Variants in TMEM117 observed in about 807,000 individuals in gnomAD.
TMEM117 encodes the protein transmembrane protein 117.
Under a neutral mutation model 52.4 loss-of-function variants are expected in TMEM117, and 27 were observed. The observed-to-expected ratio is 0.51, with a 90% CI of 0.38 to 0.71. The LOEUF (loss-of-function observed/expected upper bound fraction) is 0.71. Among genes scored for constraint, TMEM117 ranks in the 30% least tolerant of loss-of-function variants. The probability of loss-of-function intolerance (pLI) is 0.00; values close to 1 mark genes in which losing one functional copy is unlikely to be tolerated. For missense variants in TMEM117, 556 were observed against 630.5 expected (o/e 0.88, Z 1.26); for synonymous variants, 215 against 206.3 (o/e 1.04, Z -0.36).
chr12:43,989,447 T>G (rs1406794659), intron 3 of TMEM117, among the ~76,000 whole-genome samples: 1 of 152,118 alleles, frequency 6.6e-6, no homozygotes, highest in Non-Finnish European at 1.5e-5. Flanking sequence ...TGCTACATTT[T>G]TTTTTAAACG....
chr12:44,368,975 TG>T (rs1229054779), intron 6 of TMEM117, among the ~76,000 whole-genome samples: 1 of 152,184 alleles, frequency 6.6e-6, no homozygotes, highest in Non-Finnish European at 1.5e-5. Flanking sequence ...TCATTGAGTG[TG>T]TTTCTTTAGA....
intron 3 of TMEM117, among the ~76,000 whole-genome samples, chr12:44,114,100 C>A (rs1250354117): frequency 6.7e-6 from 1 of 149,528 alleles, no homozygotes; most frequent in African/African-American, 2.5e-5. Context: ...GGCCTGCGCC[C>A]ACTGTCTGGC....
chr12:44,381,232 A>G (rs1198108376), intron 7 of TMEM117, among the ~76,000 whole-genome samples: 3 of 152,204 alleles, frequency 2.0e-5, no homozygotes, highest in African/African-American at 7.2e-5. Context: ...AAGGGAATAA[A>G]TGGTTAGTGA....
chr12:44,178,700 C>T (rs1188612590), intron 4 of TMEM117, among the ~76,000 whole-genome samples: 1 of 151,472 alleles, frequency 6.6e-6, no homozygotes, highest in Non-Finnish European at 1.5e-5. Context: ...TTTAATTACC[C>T]TTGATAAATT....
In TMEM117 at chr12:44,300,264, T is replaced by G. The variant is rs375571567; in HGVS notation, c.768+525T>G. Among the ~76,000 whole-genome samples the G allele has an allele frequency of 6.6e-5, 10 of 152,344 alleles. No homozygotes were observed. The East Asian group carries it at 1.3e-3, about 21-fold the overall frequency. ...CATGTAAACCATATTTCTGCCCTGC[T>G]TAGCAACAGATTTTTCATACAATAG... On this transcript the variant is annotated intron_variant, in intron 6 of 7. Coordinates refer to ENST00000266534, the MANE Select transcript of TMEM117 (RefSeq NM_032256.3).
At chr12:43,949,754 T>C (rs1945190473) in intron 3 of TMEM117, among the ~76,000 whole-genome samples, 1 of 152,198 alleles carries the variant, frequency 6.6e-6, no homozygotes, top group South Asian at 2.1e-4. Flanking sequence ...TCTGCCTAGC[T>C]ACCTACTCCA....
At position 44,342,058 on chromosome 12, in the gene TMEM117, G is replaced by C. The variant is rs541081346; in HGVS notation, c.769-34537G>C. Among the ~76,000 whole-genome samples, 174 of 147,860 alleles carry C rather than the reference G, an allele frequency of 1.2e-3. 1 individual carries two copies. Among genetic ancestry groups the C allele is most frequent in the African/African-American group, 4.1e-3 (166 of 40,902 alleles). On this transcript the variant is annotated intron_variant, in intron 6 of 7. Coordinates refer to ENST00000266534, the MANE Select transcript of TMEM117 (RefSeq NM_032256.3). Reference sequence around the variant, plus strand: ...ATAGGAGTTCCCAGATATTTTAAAAGACAAAAAAAAAGTTCCATATAATAA... The same window carrying C: ...ATAGGAGTTCCCAGATATTTTAAAACACAAAAAAAAAGTTCCATATAATAA...
chr12:43,969,356 T>TTAAAAAAAAAAAAAAAAAAAAAA (rs1555189078), intron 3 of TMEM117, among the ~76,000 whole-genome samples: 3 of 79,568 alleles, frequency 3.8e-5, no homozygotes, highest in African/African-American at 2.2e-4. Flanking sequence ...CCGTCTCTAC[T>TTAAAAAAAAAAAAAAAAAAAAAA]AAAAAAAAAA....
At chr12:44,130,684 A>G (rs1948399905) in intron 3 of TMEM117, among the ~76,000 whole-genome samples, 1 of 152,068 alleles carries the variant, frequency 6.6e-6, no homozygotes, top group Non-Finnish European at 1.5e-5. Context: ...AAGTTTCTAA[A>G]TATAGATAGA....
At chr12:44,316,461 A>G (rs1951055979) in intron 6 of TMEM117, among the ~76,000 whole-genome samples, 1 of 152,114 alleles carries the variant, frequency 6.6e-6, no homozygotes, top group Admixed American at 6.6e-5. Flanking sequence ...TTTTAAATTG[A>G]TGGGATTCCA....
At chr12:44,351,415 C>G (rs1001345571) in intron 6 of TMEM117, among the ~76,000 whole-genome samples, 1 of 151,850 alleles carries the variant, frequency 6.6e-6, no homozygotes, top group Non-Finnish European at 1.5e-5. Context: ...CAGGGTATTG[C>G]TCAAGAAAAT....
At chr12:43,896,317 A>G (rs1944201238) in intron 2 of TMEM117, among the ~76,000 whole-genome samples, 1 of 152,022 alleles carries the variant, frequency 6.6e-6, no homozygotes, top group African/African-American at 2.4e-5. Context: ...CTCCTTCCCA[A>G]TCTCCCTGTT....
chr12:43,815,922 G>T, the TMEM117 span, among the ~76,000 whole-genome samples: 1 of 152,324 alleles, frequency 6.6e-6, no homozygotes, highest in East Asian at 1.9e-4. Context: ...ACTCAAATGT[G>T]TTGTACTTTT....
chr12:43,806,546 A>G, the TMEM117 span, among the ~76,000 whole-genome samples: 2 of 152,122 alleles, frequency 1.3e-5, no homozygotes, highest in Non-Finnish European at 2.9e-5. Flanking sequence ...CGCAGAATCT[A>G]GACTGCTCAG....
chr12:43,806,444 C>G, the TMEM117 span: 27 of 1,076,062 alleles, frequency 2.5e-5, no homozygotes, highest in Non-Finnish European at 3.0e-5. Context: ...GGGCTGCGGT[C>G]CAGCCCCCGG....
chr12:43,802,933 A>G, the TMEM117 span, among the ~76,000 whole-genome samples: 22 of 152,174 alleles, frequency 1.4e-4, no homozygotes. Context: ...CTACAGATTT[A>G]AACATTTGCC....
intron 3 of TMEM117, among the ~76,000 whole-genome samples, chr12:44,078,660 T>C (rs1287533462): frequency 6.6e-6 from 1 of 152,192 alleles, no homozygotes; most frequent in African/African-American, 2.4e-5. Context: ...GCCTTACAAT[T>C]GTGTAAAATT....
chr12:44,307,933 G>A (rs557567787), intron 6 of TMEM117, among the ~76,000 whole-genome samples: 2 of 152,312 alleles, frequency 1.3e-5, no homozygotes, highest in East Asian at 1.9e-4. Context: ...AGTGACAAAC[G>A]CATTCACTTG....
intron 4 of TMEM117, among the ~76,000 whole-genome samples, chr12:44,191,255 A>G (rs923012475): frequency 6.6e-6 from 1 of 152,046 alleles, no homozygotes; most frequent in African/African-American, 2.4e-5. Context: ...CTATGATTCA[A>G]TTATCTCTAA....
Sources: gnomAD v4.1 joint callset for allele counts (sites outside exome capture counted in the v4.1 genomes callset) on GRCh38, gnomAD v4.1.1 for gene constraint, MANE v1.5 for transcripts, NCBI Gene and HGNC (gene_info 2026-07-23, HGNC 2026-07-21) for gene names.